The following RABGAP1L variants were observed in gnomAD, a reference collection of about 807,000 sequenced individuals.
RABGAP1L encodes the protein rab GTPase-activating protein 1-like.
In RABGAP1L, 63 loss-of-function variants were observed where a neutral mutation model predicts 137.7. The observed-to-expected ratio is 0.46, with a 90% CI of 0.37 to 0.56. The LOEUF (loss-of-function observed/expected upper bound fraction) is 0.56. Among genes scored for constraint, RABGAP1L ranks in the 20% least tolerant of loss-of-function variants. The probability of loss-of-function intolerance (pLI) is 0.00; values close to 1 mark genes in which losing one functional copy is unlikely to be tolerated. For missense variants in RABGAP1L, 1,095 were observed against 1,244.0 expected, an observed-to-expected ratio of 0.88 and a Z score of 1.80; for synonymous variants, 431 against 433.7, an observed-to-expected ratio of 0.99 and a Z score of 0.08.
Position 174,169,396 on chromosome 1 carries a change from G to A in RABGAP1L, c.-34+9739G>A, listed in dbSNP as rs144092204. Among the ~76,000 whole-genome samples the A allele has an allele frequency of 1.0e-3, 157 of 151,950 alleles. 1 individual carries two copies. Among genetic ancestry groups the A allele is most frequent in the African/African-American group, 3.7e-3 (152 of 41,462 alleles). On this transcript the variant is annotated intron_variant, in intron 1 of 25. Transcript: ENST00000681986. ...CACGTGCCATCATGTCTGGTTAATT[G>A]TTGTATTTTTAGTAGTATTTTCACT...
intron 11 of RABGAP1L, among the ~76,000 whole-genome samples, chr1:174,345,308 T>C (rs992014895): frequency 3.9e-5 from 6 of 152,182 alleles, no homozygotes; most frequent in African/African-American, 1.4e-4. Flanking sequence ...AGGATTGTTT[T>C]TTCTATTTCT....
intron 18 of RABGAP1L, among the ~76,000 whole-genome samples, chr1:174,796,588 A>G (rs1688254735): frequency 6.6e-6 from 1 of 152,218 alleles, no homozygotes; most frequent in South Asian, 2.1e-4. Context: ...GAGGGGAAGC[A>G]TGAAGGAAAC....
intron 11 of RABGAP1L, among the ~76,000 whole-genome samples, chr1:174,346,096 A>T (rs1682404830): frequency 6.6e-6 from 1 of 152,124 alleles, no homozygotes; most frequent in South Asian, 2.1e-4. Context: ...GATAAATCCC[A>T]ATTGGTCATG....
At position 174,448,579 on chromosome 1, in the gene RABGAP1L, T is replaced by G; in HGVS notation, c.1710+54434T>G. 1 of 1,614,098 alleles carries G rather than the reference T, an allele frequency of 6.2e-7. No homozygotes were observed. The highest frequency in any genetic ancestry group is 8.5e-7 in the Non-Finnish European group (1 of 1,179,934). The stretch of plus-strand genomic sequence containing the variant: ...CCTACAATCAACTGGTCACCCCTTG[T>G]CGCTTGAGAATTTGCATTATTTTGA... On this transcript the variant is annotated intron_variant, in intron 13 of 25. Transcript: ENST00000681986. This position sits in a 1 kb window ranked among gnomAD's most constrained non-coding sequence, Gnocchi z 4.2.
chr1:174,232,051 A>G (rs928337206), intron 4 of RABGAP1L, among the ~76,000 whole-genome samples: 20 of 152,194 alleles, frequency 1.3e-4, no homozygotes, highest in African/African-American at 4.8e-4. Flanking sequence ...AATGAGCATA[A>G]AAATCTGCCT....
At chr1:174,241,430 C>A in intron 4 of RABGAP1L, 53 bp from the exon 5 acceptor site, 1 of 1,220,810 alleles carries the variant, frequency 8.2e-7, no homozygotes, top group Non-Finnish European at 1.1e-6. Flanking sequence ...GGAAATATGT[C>A]TTTGTTCTTC....
At chr1:174,220,941 T>C (rs1204927808) in intron 2 of RABGAP1L, 31 bp from the exon 3 acceptor site, 1 of 1,512,984 alleles carries the variant, frequency 6.6e-7, no homozygotes, top group Non-Finnish European at 8.9e-7. Flanking sequence ...TATGGTAGAA[T>C]TGAAACAGAA....
At chr1:174,765,115 A>T (rs1279500954) in intron 18 of RABGAP1L, among the ~76,000 whole-genome samples, 1 of 152,240 alleles carries the variant, frequency 6.6e-6, no homozygotes, top group Non-Finnish European at 1.5e-5. Context: ...CCGTATTAGC[A>T]GGGTGAATAG....
chr1:174,423,876 G>A (rs1651645822), intron 13 of RABGAP1L, among the ~76,000 whole-genome samples: 1 of 151,998 alleles, frequency 6.6e-6, no homozygotes, highest in Admixed American at 6.6e-5. Flanking sequence ...ATTTATATAT[G>A]ACATCTGTTT....
chr1:174,250,774 C>A (rs1672649243), intron 6 of RABGAP1L, 142 bp downstream of exon 6: 7 of 737,488 alleles, frequency 9.5e-6, no homozygotes, highest in Non-Finnish European at 1.2e-5. Flanking sequence ...ATTTTTTATT[C>A]TTGTGCTTGT....
intron 13 of RABGAP1L, among the ~76,000 whole-genome samples, chr1:174,563,105 G>A (rs1667334541): frequency 6.6e-6 from 1 of 152,162 alleles, no homozygotes; most frequent in Admixed American, 6.5e-5. Context: ...GTAGACATAA[G>A]TACTGGCCAC....
At chr1:174,198,652 T>G (rs1667871908) in intron 1 of RABGAP1L, among the ~76,000 whole-genome samples, 1 of 152,238 alleles carries the variant, frequency 6.6e-6, no homozygotes, top group Non-Finnish European at 1.5e-5. Flanking sequence ...GATTTTCTGA[T>G]CAGCAGCAGC....
intron 11 of RABGAP1L, among the ~76,000 whole-genome samples, chr1:174,348,265 A>G (rs1334135550): frequency 6.7e-6 from 1 of 149,194 alleles, no homozygotes; most frequent in Non-Finnish European, 1.5e-5. Flanking sequence ...AACAACAAAC[A>G]TACTATTAGG....
chr1:174,320,168 C>T (rs1449705997), intron 11 of RABGAP1L, among the ~76,000 whole-genome samples: 4 of 152,156 alleles, frequency 2.6e-5, no homozygotes, highest in African/African-American at 9.7e-5. Flanking sequence ...TATACATCCA[C>T]ATAATCACCA....
At chr1:174,655,445 C>T (rs1376479905) in intron 14 of RABGAP1L, among the ~76,000 whole-genome samples, 1 of 152,270 alleles carries the variant, frequency 6.6e-6, no homozygotes, top group East Asian at 1.9e-4. Context: ...TCAGGTTATA[C>T]ATCTTTGGCA....
chr1:174,177,135 A>G (rs1287170720), intron 1 of RABGAP1L, among the ~76,000 whole-genome samples: 3 of 152,218 alleles, frequency 2.0e-5, no homozygotes, highest in Non-Finnish European at 2.9e-5. Flanking sequence ...CAGCCTTGCC[A>G]GCATCTGTTG....
chr1:174,276,060 G>A lies in RABGAP1L; in HGVS notation c.1156+125G>A, dbSNP rs927871995. The A allele has an allele frequency of 6.2e-6, 4 of 641,238 alleles. No individual in the cohort carries two copies. The African/African-American group carries it at 7.5e-5, about 12-fold the overall frequency. 39.7% of individuals were successfully genotyped at this position (641,238 alleles called of 1,614,324 possible). A position where few individuals can be genotyped will look rare whatever the true frequency, so the allele number is the denominator to read the frequency against. ...ACTTATTCTTTCATTGAGAATTTGAGGTTCATTTTTATTCTTTATGCTTCT... is the reference window on the plus strand; with the variant it reads ...ACTTATTCTTTCATTGAGAATTTGAAGTTCATTTTTATTCTTTATGCTTCT... On this transcript the variant is annotated intron_variant, in intron 9 of 25. Transcript: ENST00000681986.
intron 18 of RABGAP1L, among the ~76,000 whole-genome samples, chr1:174,811,372 TC>T (rs1422015246): frequency 6.6e-6 from 1 of 152,220 alleles, no homozygotes; most frequent in Non-Finnish European, 1.5e-5. Context: ...AAAGCCATCT[TC>T]CCATTAGGTG....
intron 15 of RABGAP1L, among the ~76,000 whole-genome samples, chr1:174,696,930 G>T (rs1679303553): frequency 6.6e-6 from 1 of 152,192 alleles, no homozygotes; most frequent in Admixed American, 6.5e-5. Flanking sequence ...GCTGAAGGAT[G>T]ATTGCTATTT....
Sources: allele counts gnomAD v4.1 joint callset (sites outside exome capture counted in the v4.1 genomes callset), GRCh38; gene constraint gnomAD v4.1.1; non-coding constraint Gnocchi (gnomAD v3.1); transcripts MANE v1.5; gene names NCBI Gene and HGNC (gene_info 2026-07-23, HGNC 2026-07-21).